Variants in SULT1C4 observed in about 807,000 individuals in gnomAD.
SULT1C4 encodes sulfotransferase family 1C member 4.
Under a neutral mutation model 34.8 loss-of-function variants are expected in SULT1C4, and 32 were observed. The ratio of observed to expected loss-of-function variants is 0.92; its 90% CI spans 0.69 to 1.23. SULT1C4 has a LOEUF of 1.23. Ranked by LOEUF, SULT1C4 falls within the 50% of genes most tolerant of loss-of-function variation. The probability of loss-of-function intolerance (pLI) is 0.00; values close to 1 mark genes in which losing one functional copy is unlikely to be tolerated. For missense variants in SULT1C4, 375 were observed against 365.9 expected (o/e 1.02, Z -0.20); for synonymous variants, 111 against 120.5 (o/e 0.92, Z 0.51).
intron 1 of SULT1C4, among the ~76,000 whole-genome samples, chr2:108,379,595 T>C (rs982226864): frequency 6.6e-6 from 1 of 152,208 alleles, no homozygotes; most frequent in Non-Finnish European, 1.5e-5. Flanking sequence ...TTTAGGTTTT[T>C]CATGGCATTA....
chr2:108,380,447 G>A (rs1357545493), intron 1 of SULT1C4, among the ~76,000 whole-genome samples: 2 of 152,126 alleles, frequency 1.3e-5, no homozygotes, highest in Non-Finnish European at 2.9e-5. Context: ...CCAGGAGTTG[G>A]AGGCTGCACT....
At chr2:108,381,127 A>AT (rs1678377060) in intron 1 of SULT1C4, among the ~76,000 whole-genome samples, 1 of 152,190 alleles carries the variant, frequency 6.6e-6, no homozygotes. Context: ...GCAGATCACA[A>AT]TTTGGGGAGA....
chr2:108,384,357 C>T (rs993881680), intron 5 of SULT1C4, among the ~76,000 whole-genome samples: 4 of 152,062 alleles, frequency 2.6e-5, no homozygotes, highest in African/African-American at 7.2e-5. Flanking sequence ...CAGCCTCCCA[C>T]GTAGCTGGGA....
At chr2:108,382,057 G>A in intron 2 of SULT1C4, 170 bp downstream of exon 2, 1 of 732,596 alleles carries the variant, frequency 1.4e-6, no homozygotes, top group Non-Finnish European at 2.0e-6. Flanking sequence ...TTTTCTAATG[G>A]AATTACTGTT....
Position 108,387,478 on chromosome 2 carries a change from T to C in SULT1C4, c.*46T>C, listed in dbSNP as rs1678598756. 2.3e-5 allele frequency: 29 copies of C among 1,242,224 alleles called. No individual in the cohort carries two copies. The highest frequency in any genetic ancestry group is 3.2e-5 in the Non-Finnish European group (28 of 862,726). 77.0% of individuals were successfully genotyped at this position (1,242,224 alleles called of 1,614,324 possible). A position where few individuals can be genotyped will look rare whatever the true frequency, so the allele number is the denominator to read the frequency against. The stretch of plus-strand genomic sequence containing the variant: ...TGTTTTAGTTTATTACCCAGTATAT[T>C]TGGGTAATAATGAAAGTTTAATTCT... On this transcript the variant is annotated 3_prime_UTR_variant, in exon 7 of 7. Transcript: ENST00000272452.
At position 108,383,439 on chromosome 2, in the gene SULT1C4, C is replaced by G; in HGVS notation, c.544C>G (p.His182Asp). 1.2e-6 allele frequency: 2 copies of G among 1,614,182 alleles called. No individual in the cohort carries two copies. Among genetic ancestry groups the G allele is most frequent in the Non-Finnish European group, 1.7e-6 (2 of 1,180,016 alleles). Residue 182 changes from histidine to aspartate, a missense_variant, in exon 5 of 7, where the codon CAT becomes GAT. Coordinates refer to ENST00000272452, the MANE Select transcript of SULT1C4 (RefSeq NM_006588.4). ...AGTGTGCTGGGGCTCCTGGCATGAA[C>G]ATGTGAAAGGATGGTGGGAAGCCAA... ...GKVCWGSWHE[H>D]VKGWWEAKDK...
chr2:108,384,403 T>C (rs1347853043), intron 5 of SULT1C4, among the ~76,000 whole-genome samples: 1 of 152,096 alleles, frequency 6.6e-6, no homozygotes. Flanking sequence ...GCTAATTTTT[T>C]GTATTTTTTA....
At chr2:108,381,209 GA>G (rs1440751657) in intron 1 of SULT1C4, among the ~76,000 whole-genome samples, 2 of 151,910 alleles carry the variant, frequency 1.3e-5, no homozygotes, top group Non-Finnish European at 2.9e-5. Flanking sequence ...AGTTGTGACA[GA>G]AAAAAATAAA....
chr2:108,384,536 A>G (rs1212935097), intron 5 of SULT1C4, among the ~76,000 whole-genome samples: 1 of 152,236 alleles, frequency 6.6e-6, no homozygotes, highest in Non-Finnish European at 1.5e-5. Context: ...CAATAGCTTT[A>G]AGAAACTTTA....
At chr2:108,384,903 G>A (rs1183118380) in intron 5 of SULT1C4, among the ~76,000 whole-genome samples, 6 of 152,172 alleles carry the variant, frequency 3.9e-5, no homozygotes, top group Non-Finnish European at 4.4e-5. Flanking sequence ...GGCCTGCTAA[G>A]TCTGGAGTTT....
intron 2 of SULT1C4, 140 bp downstream of exon 2, chr2:108,382,027 C>T (rs1347921705): frequency 2.1e-6 from 2 of 937,422 alleles, no homozygotes; most frequent in Non-Finnish European, 2.9e-6. Flanking sequence ...CTGTGTCTGG[C>T]CATTGTTATA....
chr2:108,381,660 A>C, intron 1 of SULT1C4, 102 bp from the exon 2 acceptor site: 1 of 1,265,136 alleles, frequency 7.9e-7, no homozygotes, highest in Non-Finnish European at 1.0e-6. Context: ...AAACAAAACA[A>C]AACAAAACAA....
intron 3 of SULT1C4, 159 bp from the exon 4 acceptor site, chr2:108,382,924 AAAAAAAAGTC>A: frequency 4.5e-6 from 2 of 448,920 alleles, no homozygotes; most frequent in Non-Finnish European, 6.9e-6. Context: ...AAAAAAAAAA[AAAAAAAAGTC>A]TCCCATAACC....
rs889217360 is a variant in SULT1C4, at chr2:108,378,072, C to G, written c.-266C>G. The G allele has an allele frequency of 7.9e-6, 2 of 251,682 alleles. No homozygotes were observed. Among genetic ancestry groups the G allele is most frequent in the East Asian group, 1.5e-4 (2 of 13,102 alleles). The allele number at this position is 251,682 out of a possible 1,614,324, so 15.6% of individuals were successfully genotyped here. On this transcript the variant is annotated 5_prime_UTR_variant, in exon 1 of 7. Transcript: ENST00000272452. ...GGGTTTGTGGCCGCCTCTGCTGTGA[C>G]GCCACAGCCTGGTGAGGAGGGGGCT... is the stretch of plus-strand genomic sequence containing the variant.
intron 1 of SULT1C4, 134 bp from the exon 2 acceptor site, chr2:108,381,628 C>A: frequency 2.0e-6 from 2 of 1,012,408 alleles, no homozygotes; most frequent in Non-Finnish European, 2.6e-6. Flanking sequence ...TGATACAGAG[C>A]AAGACCCTGT....
At position 108,387,355 on chromosome 2, in the gene SULT1C4, G is replaced by T; in HGVS notation, c.832G>T (p.Ala278Ser). ...AGACTGGAAGAAACACTTCACCGTGGCTCAGAATGAGAGATTTGATGAAGA... is the reference window on the plus strand; with the variant it reads ...AGACTGGAAGAAACACTTCACCGTGTCTCAGAATGAGAGATTTGATGAAGA... ...VGDWKKHFTV[A>S]QNERFDEDYK... Residue 278 changes from alanine (A) to serine (S), a missense_variant, in exon 7 of 7, where the codon GCT becomes TCT. Physicochemically the swap from Ala to Ser is moderately conservative, Grantham distance 99. Coordinates refer to ENST00000272452, the MANE Select transcript of SULT1C4 (RefSeq NM_006588.4). 3 of 1,613,666 alleles carry T rather than the reference G, an allele frequency of 1.9e-6. No homozygotes were observed. The highest frequency in any genetic ancestry group is 2.5e-6 in the Non-Finnish European group (3 of 1,179,832).
chr2:108,386,272 T>C lies in SULT1C4; in HGVS notation c.696T>C (p.His232=), dbSNP rs768109314. 10 of 1,584,818 alleles carry C rather than the reference T, an allele frequency of 6.3e-6. No individual in the cohort carries two copies. In the Admixed American group the frequency reaches 7.1e-5, roughly 11 times the overall value. Residue 232 remains histidine (H), a synonymous_variant, in exon 6 of 7, where the codon CAT becomes CAC. Transcript: ENST00000272452. ...LDDKVLDKIV[H]YTSFDVMKQN... is the part of the protein sequence containing the mutation. Reference sequence around the variant, plus strand: ...ACAAAGTTCTAGATAAAATTGTCCATTACACTTCGTTTGATGTCATGAAAC... The same window carrying C: ...ACAAAGTTCTAGATAAAATTGTCCACTACACTTCGTTTGATGTCATGAAAC...
Position 108,386,331 on chromosome 2 carries a change from C to T in SULT1C4, c.755C>T (p.Ala252Val), listed in dbSNP as rs770915181. The T allele has an allele frequency of 1.9e-6, 3 of 1,567,410 alleles. No homozygotes were observed. In the African/African-American group the frequency reaches 4.1e-5, roughly 21 times the overall value. ...ATGGCAAACTATTCATCGATTCCTG[C>T]TGAAATCATGGACCACTCCATTTCT... is the stretch of plus-strand genomic sequence containing the variant. ...NPMANYSSIPAEIMDHSISPF... is the reference protein window; with the variant it reads ...NPMANYSSIPVEIMDHSISPF... Residue 252 changes from alanine to valine, a missense_variant, in exon 6 of 7, where the codon GCT becomes GTT. Physicochemically the swap from Ala to Val is moderately conservative, Grantham distance 64. Coordinates refer to ENST00000272452, the MANE Select transcript of SULT1C4 (RefSeq NM_006588.4).
At position 108,378,297 on chromosome 2, in the gene SULT1C4, A is replaced by T. The variant is rs958887553; in HGVS notation, c.-41A>T. The stretch of plus-strand genomic sequence containing the variant: ...CAACGCAGCCATATGCTGACTGAAG[A>T]TAACTTTGTGTCTGGAAGAGCCCTC... On this transcript the variant is annotated 5_prime_UTR_variant, in exon 1 of 7. Coordinates refer to ENST00000272452, the MANE Select transcript of SULT1C4 (RefSeq NM_006588.4). 6.3e-7 allele frequency: 1 copy of T among 1,589,724 alleles called. No homozygotes were observed. Among genetic ancestry groups the T allele is most frequent in the Non-Finnish European group, 8.6e-7 (1 of 1,165,410 alleles).
Sources: gnomAD v4.1 joint callset for allele counts (sites outside exome capture counted in the v4.1 genomes callset) on GRCh38, gnomAD v4.1.1 for gene constraint, MANE v1.5 for transcripts, NCBI Gene and HGNC (gene_info 2026-07-23, HGNC 2026-07-21) for gene names.